Variants in ADARB2 observed in about 807,000 individuals in gnomAD.
ADARB2 encodes inactive double-stranded RNA-specific editase B2.
ADARB2 carries 25 observed loss-of-function variants against 62.2 expected under a neutral mutation model. That is an observed-to-expected ratio of 0.40 (90% CI 0.29 to 0.56). The LOEUF (loss-of-function observed/expected upper bound fraction) is 0.56. Among genes scored for constraint, ADARB2 ranks in the 20% least tolerant of loss-of-function variants. The probability of loss-of-function intolerance (pLI) is 0.43; values close to 1 mark genes in which losing one functional copy is unlikely to be tolerated. For missense variants in ADARB2, 1,071 were observed against 1,077.4 expected (o/e 0.99, Z 0.08); for synonymous variants, 572 against 500.8 (o/e 1.14, Z -1.90).
intron 6 of ADARB2, among the ~76,000 whole-genome samples, chr10:1,220,309 GTGGTAA>G (rs1292289515): frequency 2.9e-5 from 4 of 136,894 alleles, no homozygotes; most frequent in African/African-American, 8.1e-5. Flanking sequence ...GGTGGTGATG[GTGGTAA>G]TGGTGATGGT....
intron 1 of ADARB2, among the ~76,000 whole-genome samples, chr10:1,733,871 A>G (rs547261278): frequency 1.1e-4 from 16 of 152,324 alleles, no homozygotes; most frequent in African/African-American, 3.4e-4. Context: ...ATAACCTCCA[A>G]GTGCTACTAT....
chr10:1,418,013 G>A (rs554493266), intron 1 of ADARB2, among the ~76,000 whole-genome samples: 24 of 152,316 alleles, frequency 1.6e-4, no homozygotes, highest in Non-Finnish European at 2.4e-4. Context: ...TTTAAAAGCC[G>A]ATGAAGGTCA....
intron 1 of ADARB2, among the ~76,000 whole-genome samples, chr10:1,733,018 C>A (rs945311895): frequency 2.0e-5 from 3 of 152,244 alleles, no homozygotes; most frequent in African/African-American, 7.2e-5. Context: ...GTATAACCAA[C>A]CACTCTAGAA....
intron 1 of ADARB2, among the ~76,000 whole-genome samples, chr10:1,488,145 C>A (rs1160233553): frequency 6.7e-6 from 1 of 149,968 alleles, no homozygotes; most frequent in East Asian, 2.0e-4. Flanking sequence ...CTGACTATTT[C>A]ATAATTTATA....
intron 3 of ADARB2, among the ~76,000 whole-genome samples, chr10:1,336,838 G>A (rs1291365360): frequency 6.6e-6 from 1 of 151,994 alleles, no homozygotes; most frequent in Non-Finnish European, 1.5e-5. Flanking sequence ...TCTTTCCATC[G>A]TCGTTGGTGA....
chr10:1,487,501 G>A (rs572314162), intron 1 of ADARB2, among the ~76,000 whole-genome samples: 1 of 152,268 alleles, frequency 6.6e-6, no homozygotes, highest in East Asian at 1.9e-4. Context: ...GCCCTGCCCT[G>A]ACCTGCTCCC....
rs567634396 is a variant in ADARB2 at position 1,242,336 on chromosome 10, C to T, written c.1193-37G>A. 171 of 1,506,968 alleles carry T rather than the reference C, an allele frequency of 1.1e-4. 1 individual carries two copies. The Admixed American group carries it at 1.4e-3, about 12-fold the overall frequency. 93.3% of individuals were successfully genotyped at this position (1,506,968 alleles called of 1,614,324 possible). On this transcript the variant is annotated intron_variant, in intron 4 of 9. Coordinates refer to ENST00000381312, the MANE Select transcript of ADARB2 (RefSeq NM_018702.4). ...GATAGCATCAGAGCAGCGTGGCCCA[C>T]GGCCCCCGTCTCCCTCCTCCTCGGT...
At chr10:1,223,363 C>T (rs149046605) in intron 6 of ADARB2, among the ~76,000 whole-genome samples, 5,874 of 152,280 alleles carry the variant, frequency 0.039, 366 homozygotes, top group African/African-American at 0.13. Flanking sequence ...CATCTGCAAA[C>T]AGGGACAATT....
intron 1 of ADARB2, among the ~76,000 whole-genome samples, chr10:1,649,103 A>G (rs567393823): frequency 6.6e-5 from 10 of 152,368 alleles, no homozygotes; most frequent in Non-Finnish European, 1.5e-4. Flanking sequence ...CGGGGTGCAC[A>G]GGCACGGACC....
At chr10:1,587,139 A>G (rs1311483987) in intron 1 of ADARB2, among the ~76,000 whole-genome samples, 1 of 152,174 alleles carries the variant, frequency 6.6e-6, no homozygotes, top group African/African-American at 2.4e-5. Flanking sequence ...AAAGGTGCTT[A>G]TCTCCTTTCC....
rs183888115 is a variant in ADARB2, at chr10:1,487,567, A to G, written c.101-108407T>C. Among the ~76,000 whole-genome samples, 923 of 152,292 alleles carry G rather than the reference A, an allele frequency of 6.1e-3. 8 individuals are homozygous for G. Among genetic ancestry groups the G allele is most frequent in the Non-Finnish European group, 7.5e-3 (509 of 68,028 alleles). ...CACACTTCATTTTGGGCCAAGGGTTAGGTGGGGTAAATAAAGGTCATGGAA... is the reference window on the plus strand; with the variant it reads ...CACACTTCATTTTGGGCCAAGGGTTGGGTGGGGTAAATAAAGGTCATGGAA... On this transcript the variant is annotated intron_variant, in intron 1 of 9. Coordinates refer to ENST00000381312, the MANE Select transcript of ADARB2 (RefSeq NM_018702.4).
chr10:1,659,271 A>G (rs1048432576), intron 1 of ADARB2, among the ~76,000 whole-genome samples: 5 of 152,204 alleles, frequency 3.3e-5, no homozygotes, highest in African/African-American at 1.2e-4. Context: ...AGACCGAATC[A>G]TTCCACACCT....
At chr10:1,589,838 T>A (rs928755399) in intron 1 of ADARB2, among the ~76,000 whole-genome samples, 7 of 152,326 alleles carry the variant, frequency 4.6e-5, no homozygotes, top group African/African-American at 1.7e-4. Context: ...CATACCCGGC[T>A]AATTTTTTTG....
At chr10:1,560,913 A>T (rs1398938806) in intron 1 of ADARB2, among the ~76,000 whole-genome samples, 8 of 152,202 alleles carry the variant, frequency 5.3e-5, no homozygotes, top group Admixed American at 5.2e-4. Context: ...GCCAAAATGC[A>T]GGGCAACCTT....
chr10:1,540,014 G>A (rs1832393913), intron 1 of ADARB2, among the ~76,000 whole-genome samples: 1 of 152,068 alleles, frequency 6.6e-6, no homozygotes, highest in African/African-American at 2.4e-5. Flanking sequence ...TAATTGAATA[G>A]CACCATTTTA....
intron 4 of ADARB2, among the ~76,000 whole-genome samples, chr10:1,264,197 C>T (rs1413667092): frequency 3.3e-5 from 5 of 152,068 alleles, no homozygotes; most frequent in Admixed American, 1.3e-4. Flanking sequence ...CATCTTTCAT[C>T]GCAGCATGAG....
intron 4 of ADARB2, among the ~76,000 whole-genome samples, chr10:1,246,307 A>T (rs920873856): frequency 6.7e-6 from 1 of 149,226 alleles, no homozygotes; most frequent in Admixed American, 6.7e-5. Context: ...CTCTGATGGT[A>T]GTTTCTTTTG....
At chr10:1,313,092 C>T (rs1831706957) in intron 3 of ADARB2, among the ~76,000 whole-genome samples, 3 of 152,166 alleles carry the variant, frequency 2.0e-5, no homozygotes, top group African/African-American at 7.2e-5. Context: ...CCTCAACAAG[C>T]ATCTGCTGAA....
intron 1 of ADARB2, among the ~76,000 whole-genome samples, chr10:1,692,570 C>T (rs1834687443): frequency 6.6e-6 from 1 of 152,170 alleles, no homozygotes; most frequent in Non-Finnish European, 1.5e-5. Flanking sequence ...TTTCCTCATT[C>T]AGTAGTGACA....
Sources: gnomAD v4.1 joint callset for allele counts (sites outside exome capture counted in the v4.1 genomes callset) on GRCh38, gnomAD v4.1.1 for gene constraint, MANE v1.5 for transcripts, NCBI Gene and HGNC (gene_info 2026-07-23, HGNC 2026-07-21) for gene names.